MTUS2: variants seen among roughly 807,000 people sequenced by gnomAD.
The protein encoded by MTUS2 is microtubule-associated tumor suppressor candidate 2.
A neutral mutation model predicts 114.1 loss-of-function variants in MTUS2; 40 were observed. The observed-to-expected ratio is 0.35, with a 90% CI of 0.27 to 0.46. MTUS2 has a LOEUF of 0.46. Among genes scored for constraint, MTUS2 ranks in the 20% least tolerant of loss-of-function variants. MTUS2 has a pLI of 1.00. For synonymous variants in MTUS2, 688 were observed against 672.0 expected, an observed-to-expected ratio of 1.02 and a Z score of -0.37; for missense variants, 1,679 against 1,705.4, an observed-to-expected ratio of 0.98 and a Z score of 0.27.
chr13:29,012,419 G>T (rs1338439633), intron 2 of MTUS2, among the ~76,000 whole-genome samples: 1 of 152,190 alleles, frequency 6.6e-6, no homozygotes, highest in African/African-American at 2.4e-5. Flanking sequence ...TTGCAGAGGA[G>T]AATAAGGCCA....
At chr13:29,437,153 G>T (rs956144639) in intron 8 of MTUS2, among the ~76,000 whole-genome samples, 4 of 152,186 alleles carry the variant, frequency 2.6e-5, no homozygotes, top group African/African-American at 9.7e-5. Flanking sequence ...GGAGCTGGGG[G>T]AGATGTTGGC....
chr13:29,153,658 G>A (rs551310424), intron 5 of MTUS2, among the ~76,000 whole-genome samples: 1 of 152,100 alleles, frequency 6.6e-6, no homozygotes, highest in Admixed American at 6.6e-5. Flanking sequence ...CCCATCTCCA[G>A]TTCTCCCCTT....
chr13:29,406,594 A>G (rs537426982), intron 8 of MTUS2, among the ~76,000 whole-genome samples: 1 of 152,332 alleles, frequency 6.6e-6, no homozygotes, highest in East Asian at 1.9e-4. Context: ...GTGACATACC[A>G]TCACCTCTGC....
At chr13:29,406,692 G>A (rs1358349313) in intron 8 of MTUS2, among the ~76,000 whole-genome samples, 1 of 152,068 alleles carries the variant, frequency 6.6e-6, no homozygotes, top group African/African-American at 2.4e-5. Flanking sequence ...GAATCACTGG[G>A]GCCATCTTCA....
At chr13:28,966,786 CT>C (rs1883616604) in intron 2 of MTUS2, among the ~76,000 whole-genome samples, 1 of 142,904 alleles carries the variant, frequency 7.0e-6, no homozygotes. Flanking sequence ...ATTTCTCAAA[CT>C]GGGAAGGTTT....
intron 2 of MTUS2, among the ~76,000 whole-genome samples, chr13:29,019,711 G>A (rs571429410): frequency 2.0e-5 from 3 of 152,330 alleles, no homozygotes; most frequent in African/African-American, 7.2e-5. Flanking sequence ...CTTAGAATGC[G>A]TGGTTAGAAG....
intron 6 of MTUS2, among the ~76,000 whole-genome samples, chr13:29,309,755 A>T (rs572805317): frequency 6.6e-6 from 1 of 152,192 alleles, no homozygotes; most frequent in South Asian, 2.1e-4. Context: ...AGGGCCTGGC[A>T]TTATGCTAAG....
chr13:29,286,641 ACTAT>A (rs201283014), intron 6 of MTUS2, among the ~76,000 whole-genome samples: 5 of 130,708 alleles, frequency 3.8e-5, no homozygotes, highest in South Asian at 2.3e-4. Flanking sequence ...AAAGCCATGC[ACTAT>A]CTATCTGTCT....
intron 9 of MTUS2, among the ~76,000 whole-genome samples, chr13:29,473,421 T>C (rs900057013): frequency 1.3e-5 from 2 of 152,322 alleles, no homozygotes; most frequent in African/African-American, 4.8e-5. Context: ...CGCTGAGTGT[T>C]CTCCTACTCA....
chr13:29,101,918 G>A (rs569292520), intron 5 of MTUS2, among the ~76,000 whole-genome samples: 1 of 152,304 alleles, frequency 6.6e-6, no homozygotes, highest in East Asian at 1.9e-4. Flanking sequence ...GAACATTTGC[G>A]TAGTTCTAAA....
At position 29,480,115 on chromosome 13, in the gene MTUS2, A is replaced by G. The variant is rs1566226408; in HGVS notation, c.3185-35A>G. The G allele has an allele frequency of 6.5e-6, 10 of 1,549,124 alleles. No homozygotes were observed. In the South Asian group the frequency reaches 9.6e-5, roughly 15 times the overall value. ...AGTCCTTCCCATGCCTCCTACGGCC[A>G]TTTTTTAAAGAAAGATCTTGTGCTT... On this transcript the variant is annotated intron_variant, in intron 9 of 15. Coordinates refer to ENST00000612955, the MANE Select transcript of MTUS2 (RefSeq NM_001033602.4). The surrounding 1 kb of genome is among the most constrained non-coding windows in gnomAD (Gnocchi z 4.4).
At chr13:29,424,945 AT>A (rs977332101) in intron 8 of MTUS2, among the ~76,000 whole-genome samples, 80 of 150,108 alleles carry the variant, frequency 5.3e-4, no homozygotes, top group Non-Finnish European at 8.9e-4. Context: ...AACCAGGAAA[AT>A]TTTTTTTTTA....
intron 2 of MTUS2, among the ~76,000 whole-genome samples, chr13:28,860,723 C>T (rs1377428252): frequency 6.6e-6 from 1 of 152,182 alleles, no homozygotes; most frequent in African/African-American, 2.4e-5. Flanking sequence ...TAGGGCAAGT[C>T]ATTCTTACAG....
Position 29,360,801 on chromosome 13 carries a change from G to C in MTUS2, c.3117+1328G>C, listed in dbSNP as rs371901589. Among the ~76,000 whole-genome samples the C allele has an allele frequency of 3.3e-5, 5 of 150,560 alleles. No individual in the cohort carries two copies. In the East Asian group the frequency reaches 5.9e-4, roughly 18 times the overall value. Reference sequence around the variant, plus strand: ...TTGTAATTAGGGAAGGTGATTCGTCGTATTTCCCACTGACTGTCAAGTTGT... The same window carrying C: ...TTGTAATTAGGGAAGGTGATTCGTCCTATTTCCCACTGACTGTCAAGTTGT... On this transcript the variant is annotated intron_variant, in intron 8 of 15. Coordinates refer to ENST00000612955, the MANE Select transcript of MTUS2 (RefSeq NM_001033602.4).
intron 5 of MTUS2, among the ~76,000 whole-genome samples, chr13:29,179,918 AGTT>A (rs146912607): frequency 7.9e-5 from 12 of 152,348 alleles, no homozygotes; most frequent in East Asian, 1.9e-4. Context: ...AACTAGTAAC[AGTT>A]GTTGTGTTCT....
chr13:29,161,339 C>T (rs1893087631), intron 5 of MTUS2, among the ~76,000 whole-genome samples: 1 of 151,882 alleles, frequency 6.6e-6, no homozygotes, highest in South Asian at 2.1e-4. Flanking sequence ...CTCAAAATTT[C>T]ATGTGAGTGA....
At chr13:28,893,951 A>C (rs1199490658) in intron 2 of MTUS2, among the ~76,000 whole-genome samples, 4 of 152,098 alleles carry the variant, frequency 2.6e-5, no homozygotes, top group Non-Finnish European at 5.9e-5. Flanking sequence ...ATGTACAGCA[A>C]GTAAGTCACA....
intron 9 of MTUS2, among the ~76,000 whole-genome samples, chr13:29,454,205 T>C (rs74042090): frequency 0.075 from 11,485 of 152,270 alleles, 523 homozygotes; most frequent in African/African-American, 0.13. Flanking sequence ...AGTTTCGGTA[T>C]GAATCTGATG....
intron 2 of MTUS2, among the ~76,000 whole-genome samples, chr13:28,991,222 T>A (rs74041686): frequency 0.018 from 2,691 of 152,290 alleles, 81 homozygotes; most frequent in African/African-American, 0.061. Context: ...TCCCTGCTGC[T>A]CTTGATCATG....
Sources: allele counts gnomAD v4.1 joint callset (sites outside exome capture counted in the v4.1 genomes callset), GRCh38; gene constraint gnomAD v4.1.1; non-coding constraint Gnocchi (gnomAD v3.1); transcripts MANE v1.5; gene names NCBI Gene and HGNC (gene_info 2026-07-23, HGNC 2026-07-21).